Variants in ABCA4 observed in about 807,000 individuals in gnomAD.
The protein encoded by ABCA4 is ATP binding cassette subfamily A member 4.
A neutral mutation model predicts 263.7 loss-of-function variants in ABCA4; 196 were observed. The ratio of observed to expected loss-of-function variants is 0.74; its 90% CI spans 0.66 to 0.84. ABCA4 has a LOEUF of 0.84. ABCA4 is among the 40% of genes least tolerant of loss of function. ABCA4 has a pLI of 0.00. For missense variants in ABCA4, 2,792 were observed against 2,855.1 expected, an observed-to-expected ratio of 0.98 and a Z score of 0.50; for synonymous variants, 1,133 against 1,094.2, an observed-to-expected ratio of 1.04 and a Z score of -0.70.
intron 1 of ABCA4, among the ~76,000 whole-genome samples, chr1:94,113,767 A>G (rs1483936971): frequency 6.6e-6 from 1 of 152,274 alleles, no homozygotes; most frequent in Non-Finnish European, 1.5e-5. Flanking sequence ...AAAGCAGGGC[A>G]CACTGCCATG....
intron 6 of ABCA4, among the ~76,000 whole-genome samples, chr1:94,091,103 C>T (rs774822758): frequency 2.2e-4 from 34 of 152,272 alleles, no homozygotes; most frequent in Non-Finnish European, 4.3e-4. Context: ...AAGAGCAAGA[C>T]TAGGAATTTG....
intron 19 of ABCA4, among the ~76,000 whole-genome samples, chr1:94,044,950 T>C (rs775576631): frequency 5.3e-5 from 8 of 152,220 alleles, no homozygotes; most frequent in Non-Finnish European, 1.2e-4. Flanking sequence ...TCTGCCATCC[T>C]TCTCTGCTTC....
In ABCA4 at chr1:94,031,120, T is replaced by C. The variant is rs1327707460; in HGVS notation, c.4129A>G (p.Ile1377Val). 2 of 1,614,010 alleles carry C rather than the reference T, an allele frequency of 1.2e-6. No homozygotes were observed. Among genetic ancestry groups the C allele is most frequent in the East Asian group, 4.5e-5 (2 of 44,874 alleles). ...IRSHKDFLAQ[I>V]VLPATFVFLA... Reference sequence around the variant, plus strand: ...AACACAAAGGTAGCCGGGAGCACGATCTGTGGGAGAATAGACGTGGAATAA... The same window carrying C: ...AACACAAAGGTAGCCGGGAGCACGACCTGTGGGAGAATAGACGTGGAATAA... Residue 1377 changes from isoleucine (I) to valine (V), a missense_variant and splice_region_variant, in exon 28 of 50, where the codon ATC becomes GTC. By Grantham distance (29) the Ile-to-Val change is conservative. Coordinates refer to ENST00000370225, the MANE Select transcript of ABCA4 (RefSeq NM_000350.3).
At chr1:94,038,531 T>C (rs2101045187) in intron 24 of ABCA4, among the ~76,000 whole-genome samples, 1 of 152,366 alleles carries the variant, frequency 6.6e-6, no homozygotes. Flanking sequence ...CCTAGCCGGA[T>C]TGGAAGTCTT....
intron 16 of ABCA4, among the ~76,000 whole-genome samples, chr1:94,052,860 A>G (rs1660876766): frequency 2.0e-5 from 3 of 152,156 alleles, no homozygotes; most frequent in Admixed American, 2.0e-4. Context: ...TATTCATAAT[A>G]AGCCCCTTCC....
intron 26 of ABCA4, among the ~76,000 whole-genome samples, chr1:94,035,790 C>T (rs1053738334): frequency 6.6e-6 from 1 of 152,130 alleles, no homozygotes; most frequent in Non-Finnish European, 1.5e-5. Flanking sequence ...GCAGGTAACC[C>T]TTCCACACAT....
At chr1:94,032,084 T>C (rs767599228) in intron 26 of ABCA4, 41 bp from the exon 27 acceptor site, 2 of 1,601,736 alleles carry the variant, frequency 1.2e-6, no homozygotes, top group East Asian at 2.2e-5. Context: ...AAAATGCCTA[T>C]AAGGTCTGGA....
chr1:94,031,809 G>T lies in ABCA4; in HGVS notation c.4097C>A (p.Thr1366Asn), dbSNP rs1660212586. 6.2e-7 allele frequency: 1 copy of T among 1,613,894 alleles called. No individual in the cohort carries two copies. Among genetic ancestry groups the T allele is most frequent in the Non-Finnish European group, 8.5e-7 (1 of 1,180,046 alleles). ...QALLVKRFQHTIRSHKDFLAQ... is the reference protein window; with the variant it reads ...QALLVKRFQHNIRSHKDFLAQ... ...CAGGAAGTCCTTGTGGCTGCGGATG[G>T]TGTGTTGGAATCTCTTGACCAGCAG... Residue 1366 changes from threonine to asparagine, a missense_variant, in exon 27 of 50, where the codon ACC (threonine) becomes AAC (asparagine). By Grantham distance (65) the Thr-to-Asn change is moderately conservative (BLOSUM62 0). Coordinates refer to ENST00000370225, the MANE Select transcript of ABCA4 (RefSeq NM_000350.3).
chr1:94,040,139 G>A lies in ABCA4; in HGVS notation c.3523-12C>T, dbSNP rs61754037. 70 of 1,597,758 alleles carry A rather than the reference G, an allele frequency of 4.4e-5. No individual in the cohort carries two copies. Among genetic ancestry groups the A allele is most frequent in the Non-Finnish European group, 5.8e-5 (68 of 1,169,814 alleles). On this transcript the variant is annotated splice_polypyrimidine_tract_variant and intron_variant, in intron 23 of 49. Coordinates refer to ENST00000370225, the MANE Select transcript of ABCA4 (RefSeq NM_000350.3). ...CAGCTGCAGGTCCCCTGCAACAGAT[G>A]GATGGGATGACTGACAAGATGCACA...
chr1:94,040,415 G>A lies in ABCA4; in HGVS notation c.3523-288C>T, dbSNP rs72725162. ...TGTGGCAGCTGTAGGTTCTGCCTGT[G>A]GGAGACATTCTGTGCCTCCCTCCCC... On this transcript the variant is annotated intron_variant, in intron 23 of 49. Coordinates refer to ENST00000370225, the MANE Select transcript of ABCA4 (RefSeq NM_000350.3). 0.015 allele frequency among the ~76,000 whole-genome samples: 2,337 copies of A among 152,248 alleles called. 44 individuals are homozygous for A. The highest frequency in any genetic ancestry group is 0.037 in the Middle Eastern group (11 of 294).
intron 5 of ABCA4, among the ~76,000 whole-genome samples, chr1:94,099,887 C>T (rs1662241295): frequency 6.6e-6 from 1 of 152,100 alleles, no homozygotes; most frequent in Non-Finnish European, 1.5e-5. Context: ...GAAGTACAAC[C>T]CTCGTGATGG....
rs61749451 is a variant in ABCA4 at position 94,046,922 on chromosome 1, G to T, written c.2915C>A (p.Thr972Asn). ...LGHNGAGKTTTLSILTGLLPP... is the reference protein window; with the variant it reads ...LGHNGAGKTTNLSILTGLLPP... The stretch of plus-strand genomic sequence containing the variant: ...GCTTCTCTGCTGGAAGACTCACAAG[G>T]TGGTGGTTTTCCCAGCTCCATTGTG... Residue 972 changes from threonine (T) to asparagine (N), a missense_variant, in exon 19 of 50, where the codon ACC (threonine) becomes AAC (asparagine). By Grantham distance (65) the Thr-to-Asn change is moderately conservative. Coordinates refer to ENST00000370225, the MANE Select transcript of ABCA4 (RefSeq NM_000350.3). 20 of 1,614,002 alleles carry T rather than the reference G, an allele frequency of 1.2e-5. No individual in the cohort carries two copies. Among genetic ancestry groups the T allele is most frequent in the Non-Finnish European group, 1.4e-5 (16 of 1,180,014 alleles).
chr1:94,017,048 A>C (rs1659765691), intron 36 of ABCA4, among the ~76,000 whole-genome samples: 1 of 152,210 alleles, frequency 6.6e-6, no homozygotes, highest in Non-Finnish European at 1.5e-5. Context: ...TATCAAAATA[A>C]ATAATGATAG....
rs1296219743 is a variant in ABCA4 at position 94,044,675 on chromosome 1, G to A, written c.2988C>T (p.Thr996=). The A allele has an allele frequency of 6.2e-7, 1 of 1,614,074 alleles. No individual in the cohort carries two copies. Among genetic ancestry groups the A allele is most frequent in the African/African-American group, 1.3e-5 (1 of 74,916 alleles). Reference sequence around the variant, plus strand: ...GGCTCTGCCGGACTGCATCCAGGCTGGTTTCAATGTCCCTTCCCCCAACGA... The same window carrying A: ...GGCTCTGCCGGACTGCATCCAGGCTAGTTTCAATGTCCCTTCCCCCAACGA... ...TVLVGGRDIE[T]SLDAVRQSLG... Residue 996 remains threonine (T), a synonymous_variant, in exon 20 of 50, where the codon ACC becomes ACT. Coordinates refer to ENST00000370225, the MANE Select transcript of ABCA4 (RefSeq NM_000350.3).
chr1:94,108,496 A>G, intron 4 of ABCA4, 81 bp downstream of exon 4: 1 of 1,600,192 alleles, frequency 6.2e-7, no homozygotes, highest in African/African-American at 1.3e-5. Flanking sequence ...TTTTTCACCA[A>G]CTCTCCCTGT....
At chr1:94,066,535 C>T (rs1010876507) in intron 11 of ABCA4, among the ~76,000 whole-genome samples, 1 of 152,228 alleles carries the variant, frequency 6.6e-6, no homozygotes, top group Non-Finnish European at 1.5e-5. Flanking sequence ...TCTACCAGTT[C>T]ACTCAGTCAT....
In ABCA4 at chr1:94,025,501, C is replaced by G. The variant is rs545577235; in HGVS notation, c.4540-453G>C. The G allele has an allele frequency of 3.5e-5, 9 of 260,782 alleles. No homozygotes were observed. In the East Asian group the frequency reaches 4.5e-4, roughly 13 times the overall value. The allele number at this position is 260,782 out of a possible 1,614,324, so 16.2% of individuals were successfully genotyped here. On this transcript the variant is annotated intron_variant, in intron 30 of 49. Transcript: ENST00000370225. ...ACTCCAATAAACCCTGGGATCAAAT[C>G]TCGACTCACTACCAAGGCCCATGTG...
chr1:94,084,647 G>A (rs562975212), intron 6 of ABCA4, among the ~76,000 whole-genome samples: 9 of 152,152 alleles, frequency 5.9e-5, no homozygotes, highest in Non-Finnish European at 1.2e-4. Context: ...GTTAGGTATG[G>A]GAGTTACAAA....
chr1:94,055,099 G>C lies in ABCA4; in HGVS notation c.2587+12C>G, dbSNP rs780578275. The C allele has an allele frequency of 3.1e-6, 5 of 1,612,678 alleles. No homozygotes were observed. Among genetic ancestry groups the C allele is most frequent in the Non-Finnish European group, 4.2e-6 (5 of 1,178,726 alleles). ...ACTCAATTACCTTTACCCTATAGAG[G>C]AGGATGCTTACCTGGAAACACCTGA... On this transcript the variant is annotated intron_variant, in intron 16 of 49. Transcript: ENST00000370225.
Sources: gnomAD v4.1 joint callset for allele counts (sites outside exome capture counted in the v4.1 genomes callset) on GRCh38, gnomAD v4.1.1 for gene constraint, MANE v1.5 for transcripts, NCBI Gene and HGNC (gene_info 2026-07-23, HGNC 2026-07-21) for gene names.